Variants in MAGOH observed in about 807,000 individuals in gnomAD.
MAGOH encodes the protein protein mago nashi homolog.
Under a neutral mutation model 20.9 loss-of-function variants are expected in MAGOH, and 3 were observed. The observed-to-expected ratio is 0.14, with a 90% CI of 0.07 to 0.37. MAGOH has a LOEUF of 0.37. Ranked by LOEUF, MAGOH falls within the 10% of genes least tolerant of loss-of-function variation. The pLI, the probability that MAGOH is intolerant of heterozygous loss-of-function variation, is 1.00. For missense variants in MAGOH, 66 were observed against 178.1 expected (o/e 0.37, Z 3.58); for synonymous variants, 51 against 61.0 (o/e 0.84, Z 0.76).
chr1:53,238,237 C>A, intron 1 of MAGOH, 124 bp downstream of exon 1: 1 of 817,932 alleles, frequency 1.2e-6, no homozygotes. Flanking sequence ...CCTTTAAGAT[C>A]TGCACTGCAC....
chr1:53,233,400 C>T, intron 3 of MAGOH, 142 bp downstream of exon 3: 1 of 561,962 alleles, frequency 1.8e-6, no homozygotes, highest in South Asian at 2.7e-5. Flanking sequence ...TAATTATGTT[C>T]TATTTCTCTT....
intron 4 of MAGOH, among the ~76,000 whole-genome samples, chr1:53,227,991 C>G (rs549307598): frequency 3.9e-4 from 59 of 152,254 alleles, no homozygotes; most frequent in African/African-American, 1.3e-3. Context: ...CCTGAACCCT[C>G]AAAACGTAAG....
At chr1:53,231,230 T>C (rs751073895) in intron 3 of MAGOH, among the ~76,000 whole-genome samples, 2 of 152,242 alleles carry the variant, frequency 1.3e-5, no homozygotes, top group Non-Finnish European at 2.9e-5. Flanking sequence ...TTCATAACCT[T>C]TGCACATTCT....
chr1:53,231,998 T>C (rs958684921), intron 3 of MAGOH, among the ~76,000 whole-genome samples: 3 of 152,232 alleles, frequency 2.0e-5, no homozygotes, highest in Admixed American at 1.3e-4. Context: ...CTTGCAATTA[T>C]TAATGGAATT....
chr1:53,233,565 G>C lies in MAGOH; in HGVS notation c.235C>G (p.Pro79Ala), dbSNP rs868704502. 12 of 1,613,504 alleles carry C rather than the reference G, an allele frequency of 7.4e-6. No individual in the cohort carries two copies. The highest frequency in any genetic ancestry group is 3.3e-5 in the Admixed American group (2 of 59,982). Residue 79 changes from proline to alanine, a missense_variant, in exon 3 of 5, where the codon CCT becomes GCT. Physicochemically the swap from Pro to Ala is conservative, Grantham distance 27. Transcript: ENST00000371470. ...ITKEDDALWP[P>A]PDRVGRQELE... ...ACCTGCCGGCCCACTCGGTCAGGAG[G>C]AGGCCACAATGCATCATCCTCTTTG...
chr1:53,238,322 C>A, intron 1 of MAGOH, 39 bp downstream of exon 1: 1 of 1,604,686 alleles, frequency 6.2e-7, no homozygotes, highest in Non-Finnish European at 8.5e-7. Flanking sequence ...GGCCCCCAGG[C>A]CTGGTCCCCG....
chr1:53,227,178 A>C (rs761996446), intron 4 of MAGOH, 34 bp from the exon 5 acceptor site: 9 of 1,273,058 alleles, frequency 7.1e-6, no homozygotes, highest in Non-Finnish European at 1.0e-5. Flanking sequence ...TTAGGCATTA[A>C]AACTTTGACC....
intron 1 of MAGOH, among the ~76,000 whole-genome samples, chr1:53,237,508 C>G (rs1011245878): frequency 6.6e-6 from 1 of 150,850 alleles, no homozygotes; most frequent in African/African-American, 2.4e-5. Flanking sequence ...AACTCCGTCT[C>G]TACTAAAAAT....
chr1:53,237,693 A>AAAAAAAAAAAAAC (rs1645619576), intron 1 of MAGOH, among the ~76,000 whole-genome samples: 1 of 149,790 alleles, frequency 6.7e-6, no homozygotes, highest in African/African-American at 2.5e-5. Context: ...AAAAAAAAAA[A>AAAAAAAAAAAAAC]GGCCTTCCAA....
chr1:53,230,577 C>T (rs1043146935), intron 3 of MAGOH, among the ~76,000 whole-genome samples: 3 of 151,762 alleles, frequency 2.0e-5, no homozygotes, highest in African/African-American at 2.4e-5. Flanking sequence ...GCCACCACGC[C>T]CAGTTAATTT....
At chr1:53,227,924 A>C (rs1645568102) in intron 4 of MAGOH, among the ~76,000 whole-genome samples, 1 of 152,194 alleles carries the variant, frequency 6.6e-6, no homozygotes, top group South Asian at 2.1e-4. Flanking sequence ...GGCTAAGAAG[A>C]GTGTCCAAAG....
chr1:53,236,949 C>CT (rs55693928), intron 1 of MAGOH, among the ~76,000 whole-genome samples: 31,048 of 128,008 alleles, frequency 0.24, 4,841 homozygotes, highest in East Asian at 0.39. Flanking sequence ...CAACCAGTAT[C>CT]TTTTTTTTTT....
chr1:53,229,415 T>G (rs770561024), intron 3 of MAGOH, among the ~76,000 whole-genome samples: 10 of 152,070 alleles, frequency 6.6e-5, no homozygotes, highest in Non-Finnish European at 8.8e-5. Flanking sequence ...TTAGCCAGGA[T>G]GGATTTTTTT....
intron 3 of MAGOH, among the ~76,000 whole-genome samples, chr1:53,232,504 C>A (rs959448407): frequency 6.6e-6 from 1 of 151,924 alleles, no homozygotes; most frequent in African/African-American, 2.4e-5. Flanking sequence ...TGGGAAGCGA[C>A]TTCTTAGATT....
At chr1:53,227,562 CAG>C (rs1323784751) in intron 4 of MAGOH, among the ~76,000 whole-genome samples, 1 of 152,028 alleles carries the variant, frequency 6.6e-6, no homozygotes, top group African/African-American at 2.4e-5. Context: ...TTTTTTGAGA[CAG>C]AGTTTTGCTC....
At chr1:53,235,213 T>C (rs1257323978) in intron 2 of MAGOH, among the ~76,000 whole-genome samples, 1 of 152,172 alleles carries the variant, frequency 6.6e-6, no homozygotes, top group African/African-American at 2.4e-5. Flanking sequence ...ATAGAACATA[T>C]TTAATTTTAT....
intron 1 of MAGOH, among the ~76,000 whole-genome samples, chr1:53,237,826 C>G (rs745340854): frequency 6.6e-6 from 1 of 152,084 alleles, no homozygotes; most frequent in Non-Finnish European, 1.5e-5. Context: ...ACCTGAGACA[C>G]GCCTAGCTCA....
At chr1:53,230,578 C>G (rs1387599514) in intron 3 of MAGOH, among the ~76,000 whole-genome samples, 1 of 151,660 alleles carries the variant, frequency 6.6e-6, no homozygotes, top group Admixed American at 6.6e-5. Flanking sequence ...CCACCACGCC[C>G]AGTTAATTTT....
At chr1:53,228,627 C>T (rs577710039) in intron 4 of MAGOH, among the ~76,000 whole-genome samples, 20 of 152,230 alleles carry the variant, frequency 1.3e-4, no homozygotes, top group African/African-American at 4.3e-4. Context: ...TGCTCCTATG[C>T]ATTAATCTAT....
Sources: gnomAD v4.1 joint callset for allele counts (sites outside exome capture counted in the v4.1 genomes callset) on GRCh38, gnomAD v4.1.1 for gene constraint, MANE v1.5 for transcripts, NCBI Gene and HGNC (gene_info 2026-07-23, HGNC 2026-07-21) for gene names.